The following FCHSD2 variants were observed in gnomAD, a reference collection of about 807,000 sequenced individuals.
FCHSD2 encodes FCH and double SH3 domains 2, also known as F-BAR and double SH3 domains protein 2.
Under a neutral mutation model 108.1 loss-of-function variants are expected in FCHSD2, and 38 were observed. The ratio of observed to expected loss-of-function variants is 0.35; its 90% CI spans 0.27 to 0.46. FCHSD2 has a LOEUF of 0.46. FCHSD2 is among the 20% of genes least tolerant of loss of function. The pLI is 1.00. For missense variants in FCHSD2, 751 were observed against 897.8 expected (o/e 0.84, Z 2.09); for synonymous variants, 279 against 314.7 (o/e 0.89, Z 1.20).
chr11:73,032,960 T>A (rs1282066333), intron 3 of FCHSD2, among the ~76,000 whole-genome samples: 1 of 152,084 alleles, frequency 6.6e-6, no homozygotes, highest in African/African-American at 2.4e-5. Context: ...GATTTAAAAA[T>A]CATTCTAGCT....
At chr11:73,137,588 T>C (rs1278585110) in intron 2 of FCHSD2, among the ~76,000 whole-genome samples, 1 of 152,158 alleles carries the variant, frequency 6.6e-6, no homozygotes, top group Non-Finnish European at 1.5e-5. Context: ...GCCCATAACT[T>C]CAAAGACTTC....
At chr11:72,939,193 A>C (rs974133425) in intron 8 of FCHSD2, among the ~76,000 whole-genome samples, 16 of 152,298 alleles carry the variant, frequency 1.1e-4, no homozygotes, top group South Asian at 8.3e-4. Flanking sequence ...TGTGCTTGGC[A>C]GTATTTGAAT....
At chr11:72,933,700 G>T (rs1010350211) in intron 8 of FCHSD2, among the ~76,000 whole-genome samples, 1 of 152,030 alleles carries the variant, frequency 6.6e-6, no homozygotes, top group Non-Finnish European at 1.5e-5. Context: ...ACTATTCCTG[G>T]TTCTCTTCAA....
chr11:72,841,442 G>A lies in FCHSD2; in HGVS notation c.2056+12C>T, dbSNP rs768771238. On this transcript the variant is annotated intron_variant, in intron 18 of 19. Coordinates refer to ENST00000409418, the MANE Select transcript of FCHSD2 (RefSeq NM_014824.3). ...AAAATGCATTTAGACCCATGCCCAG[G>A]AGAACCCTTACCGTTTGCTGAAGGA... The A allele has an allele frequency of 2.5e-6, 4 of 1,610,090 alleles. No individual in the cohort carries two copies. The highest frequency in any genetic ancestry group is 4.5e-5 in the East Asian group (2 of 44,792).
chr11:73,062,029 T>A (rs577074844), intron 3 of FCHSD2, among the ~76,000 whole-genome samples: 10 of 152,214 alleles, frequency 6.6e-5, no homozygotes, highest in Non-Finnish European at 1.3e-4. Flanking sequence ...CACCTCCCAG[T>A]AGGGGCCAAC....
chr11:72,987,034 T>G (rs1445739918), intron 6 of FCHSD2, among the ~76,000 whole-genome samples: 2 of 152,180 alleles, frequency 1.3e-5, no homozygotes, highest in Non-Finnish European at 2.9e-5. Flanking sequence ...GATATTTGAC[T>G]ACCTTCCAAA....
intron 5 of FCHSD2, among the ~76,000 whole-genome samples, chr11:72,996,779 CA>C (rs1857525853): frequency 6.6e-6 from 1 of 152,044 alleles, no homozygotes; most frequent in South Asian, 2.1e-4. Flanking sequence ...AAAAGTTGAA[CA>C]AAATACATTT....
Position 73,101,024 on chromosome 11 carries a change from C to T in FCHSD2, c.120-17284G>A, listed in dbSNP as rs930388240. 4.6e-5 allele frequency among the ~76,000 whole-genome samples: 7 copies of T among 152,240 alleles called. No homozygotes were observed. The East Asian group carries it at 1.2e-3, about 25-fold the overall frequency. On this transcript the variant is annotated intron_variant, in intron 2 of 19. Transcript: ENST00000409418. ...TTTGCATGCCCAAAATGTGCTTATG[C>T]TTCCTTTAAAAAGTACCTCTAAACC... is the stretch of plus-strand genomic sequence containing the variant.
chr11:72,845,721 C>G (rs902406507), intron 14 of FCHSD2, among the ~76,000 whole-genome samples: 1 of 152,150 alleles, frequency 6.6e-6, no homozygotes, highest in Admixed American at 6.5e-5. Flanking sequence ...TGCCTCTGTG[C>G]TTTTATAGGT....
chr11:72,939,116 G>T (rs1318439746), intron 8 of FCHSD2, among the ~76,000 whole-genome samples: 1 of 152,080 alleles, frequency 6.6e-6, no homozygotes, highest in East Asian at 1.9e-4. Flanking sequence ...ATGAAAAAAA[G>T]AATCTGTTTC....
At chr11:72,842,926 A>G (rs1018025742) in intron 16 of FCHSD2, 85 bp from the exon 17 acceptor site, 1 of 1,056,860 alleles carries the variant, frequency 9.5e-7, no homozygotes, top group African/African-American at 1.6e-5. Flanking sequence ...CATGACAACT[A>G]AAAGAGCATC....
intron 8 of FCHSD2, among the ~76,000 whole-genome samples, chr11:72,941,531 T>C (rs1347114467): frequency 1.3e-5 from 2 of 152,114 alleles, no homozygotes; most frequent in African/African-American, 4.8e-5. Flanking sequence ...TGTTCTTGTA[T>C]TGATCTATTT....
At chr11:72,862,808 C>T (rs1854628868) in intron 13 of FCHSD2, among the ~76,000 whole-genome samples, 1 of 152,124 alleles carries the variant, frequency 6.6e-6, no homozygotes, top group Non-Finnish European at 1.5e-5. Flanking sequence ...ACTTACACTA[C>T]CTGAAGTCAT....
chr11:72,885,452 C>T (rs1157731779), intron 12 of FCHSD2, among the ~76,000 whole-genome samples: 1 of 152,106 alleles, frequency 6.6e-6, no homozygotes, highest in Admixed American at 6.6e-5. Context: ...AACTAACAAA[C>T]ACAGTCTAGT....
chr11:72,863,061 C>T lies in FCHSD2; in HGVS notation c.1308+4804G>A, dbSNP rs12277770. Among the ~76,000 whole-genome samples, 789 of 151,942 alleles carry T rather than the reference C, an allele frequency of 5.2e-3. 7 individuals are homozygous for T. The highest frequency in any genetic ancestry group is 0.018 in the African/African-American group (728 of 41,422). ...CTTTAGCCTCCTGAGTAGCTAGGAC[C>T]GCAGGAATGTACCACAATGCCTGGC... On this transcript the variant is annotated intron_variant, in intron 13 of 19. Transcript: ENST00000409418.
At chr11:73,121,529 A>G (rs531275192) in intron 2 of FCHSD2, among the ~76,000 whole-genome samples, 1 of 152,296 alleles carries the variant, frequency 6.6e-6, no homozygotes, top group South Asian at 2.1e-4. Context: ...ACAAATAATG[A>G]TATCTGCCTC....
intron 8 of FCHSD2, among the ~76,000 whole-genome samples, chr11:72,956,466 C>T (rs189302338): frequency 3.9e-5 from 6 of 152,270 alleles, no homozygotes; most frequent in African/African-American, 1.2e-4. Flanking sequence ...ACAAGAAATA[C>T]CATAAACTGT....
chr11:72,990,236 G>A (rs958458798), intron 5 of FCHSD2, among the ~76,000 whole-genome samples: 2 of 152,148 alleles, frequency 1.3e-5, no homozygotes, highest in African/African-American at 4.8e-5. Flanking sequence ...TAACTTTCTA[G>A]ATCTGTGTTT....
chr11:73,051,648 T>G (rs1330189425), intron 3 of FCHSD2, among the ~76,000 whole-genome samples: 1 of 152,110 alleles, frequency 6.6e-6, no homozygotes, highest in Non-Finnish European at 1.5e-5. Flanking sequence ...CCACTATGGG[T>G]TATCTGCAGA....
Sources: gnomAD v4.1 joint callset for allele counts (sites outside exome capture counted in the v4.1 genomes callset) on GRCh38, gnomAD v4.1.1 for gene constraint, MANE v1.5 for transcripts, NCBI Gene and HGNC (gene_info 2026-07-23, HGNC 2026-07-21) for gene names.